Variants in PRKD1 observed in about 807,000 individuals in gnomAD.
PRKD1 encodes serine/threonine-protein kinase D1.
Under a neutral mutation model 95.9 loss-of-function variants are expected in PRKD1, and 63 were observed. The ratio of observed to expected loss-of-function variants is 0.66; its 90% CI spans 0.54 to 0.81. The LOEUF (loss-of-function observed/expected upper bound fraction) is 0.81, where lower values mean the gene tolerates loss of function less well. PRKD1 is among the 30% of genes least tolerant of loss of function. The pLI is 0.00. For synonymous variants in PRKD1, 425 were observed against 423.1 expected, an observed-to-expected ratio of 1.00 and a Z score of -0.05; for missense variants, 1,048 against 1,165.3, an observed-to-expected ratio of 0.90 and a Z score of 1.47.
intron 14 of PRKD1, among the ~76,000 whole-genome samples, chr14:29,599,453 A>G (rs1364152142): frequency 6.6e-6 from 1 of 152,228 alleles, no homozygotes; most frequent in Non-Finnish European, 1.5e-5. Flanking sequence ...ATGGACCTGC[A>G]AACATGTTAC....
chr14:29,632,976 T>C (rs1207585066), intron 8 of PRKD1, 30 bp from the exon 9 acceptor site: 1 of 1,541,988 alleles, frequency 6.5e-7, no homozygotes, highest in Non-Finnish European at 9.0e-7. Flanking sequence ...CAAGATCTTT[T>C]TAAAAAACTT....
At chr14:29,654,008 A>C (rs1338238325) in intron 4 of PRKD1, among the ~76,000 whole-genome samples, 1 of 152,130 alleles carries the variant, frequency 6.6e-6, no homozygotes, top group African/African-American at 2.4e-5. Context: ...TGGGAAGAGT[A>C]TAAGGAAATG....
chr14:29,910,452 C>T (rs1405347610), intron 1 of PRKD1, among the ~76,000 whole-genome samples: 2 of 152,088 alleles, frequency 1.3e-5, no homozygotes, highest in East Asian at 1.9e-4. Flanking sequence ...TTGAAGTCAG[C>T]GAGGCCAAGA....
intron 1 of PRKD1, among the ~76,000 whole-genome samples, chr14:29,825,658 T>C (rs1247493509): frequency 6.6e-6 from 1 of 152,140 alleles, no homozygotes; most frequent in Non-Finnish European, 1.5e-5. Flanking sequence ...GTCCTCTTAG[T>C]TAGAATTGAA....
At chr14:29,710,068 A>G (rs1196441741) in intron 2 of PRKD1, among the ~76,000 whole-genome samples, 1 of 152,204 alleles carries the variant, frequency 6.6e-6, no homozygotes, top group Non-Finnish European at 1.5e-5. Flanking sequence ...AACTATGGCA[A>G]GAAGCACTAG....
chr14:29,853,201 C>T (rs1370615539), intron 1 of PRKD1, among the ~76,000 whole-genome samples: 1 of 152,096 alleles, frequency 6.6e-6, no homozygotes, highest in Non-Finnish European at 1.5e-5. Flanking sequence ...CATAAATGTT[C>T]ATACACCTAA....
intron 2 of PRKD1, among the ~76,000 whole-genome samples, chr14:29,705,369 G>C (rs568820880): frequency 1.3e-5 from 2 of 151,666 alleles, no homozygotes; most frequent in Admixed American, 1.3e-4. Flanking sequence ...TGAAAGTAAA[G>C]GCAAAAACTG....
chr14:29,622,819 C>G (rs981524961), intron 13 of PRKD1, among the ~76,000 whole-genome samples: 5 of 152,184 alleles, frequency 3.3e-5, no homozygotes, highest in African/African-American at 1.2e-4. Flanking sequence ...AGTCAGTTTT[C>G]TGCAATTGCA....
rs764045919 is a variant in PRKD1, at chr14:29,597,485, T to C, written c.2434+6A>G. ...ATTATTATCATTTTTGAATGGAAGA[T>C]ATTACCTTCATGAGATATTTCCTTC... On this transcript the variant is annotated splice_donor_region_variant and intron_variant, in intron 16 of 17. Coordinates refer to ENST00000331968, the MANE Select transcript of PRKD1 (RefSeq NM_002742.3). The C allele has an allele frequency of 6.9e-6, 11 of 1,588,130 alleles. No homozygotes were observed. The highest frequency in any genetic ancestry group is 1.7e-5 in the Admixed American group (1 of 59,022).
At chr14:29,781,692 C>T (rs1889052603) in intron 1 of PRKD1, among the ~76,000 whole-genome samples, 1 of 152,204 alleles carries the variant, frequency 6.6e-6, no homozygotes, top group African/African-American at 2.4e-5. Context: ...AAATGTCTAC[C>T]ACCAAGTTAA....
chr14:29,629,940 C>T (rs1158036812), intron 10 of PRKD1, among the ~76,000 whole-genome samples: 7 of 151,594 alleles, frequency 4.6e-5, no homozygotes, highest in African/African-American at 1.7e-4. Context: ...ATTTCTTCTT[C>T]TTCCTTCTTC....
intron 2 of PRKD1, among the ~76,000 whole-genome samples, chr14:29,684,263 AC>A (rs1321985505): frequency 6.7e-6 from 1 of 150,184 alleles, no homozygotes; most frequent in Non-Finnish European, 1.5e-5. Flanking sequence ...CGATTCTCCT[AC>A]CTCAGCCTCC....
In PRKD1 at chr14:29,854,112, A is replaced by G. The variant is rs995480817; in HGVS notation, c.264+73137T>C. On this transcript the variant is annotated intron_variant, in intron 1 of 17. Transcript: ENST00000331968. ...ATTGGAGTGGTGTGCTGCTGAACAGACTAATAAAGTAAATTGGAGTGGGGT... is the reference window on the plus strand; with the variant it reads ...ATTGGAGTGGTGTGCTGCTGAACAGGCTAATAAAGTAAATTGGAGTGGGGT... Among the ~76,000 whole-genome samples, 4 of 152,186 alleles carry G rather than the reference A, an allele frequency of 2.6e-5. No homozygotes were observed. In the South Asian group the frequency reaches 6.2e-4, roughly 24 times the overall value.
Position 29,663,712 on chromosome 14 carries a change from T to C in PRKD1, c.683A>G (p.Asp228Gly), listed in dbSNP as rs369863220. The change falls in exon 4 of 18, where the codon GAT becomes GGT. Residue 228 changes from aspartate (D) to glycine (G), a missense_variant. Around this residue, in one of 3 missense-constraint regions of PRKD1, gnomAD observed 739 missense variants for 861.9 expected, o/e 0.86. Transcript: ENST00000331968. ...SSAELSTSAPDEPLLQKSPSE... is the reference protein window; with the variant it reads ...SSAELSTSAPGEPLLQKSPSE... ...AGGAAGCCATACCAGAAGGGGCTCA[T>C]CAGGGGCACTTGTAGAGAGTTCAGC... The C allele has an allele frequency of 1.2e-6, 2 of 1,613,862 alleles. No individual in the cohort carries two copies. The highest frequency in any genetic ancestry group is 1.7e-6 in the Non-Finnish European group (2 of 1,179,886).
At chr14:29,599,857 TTTG>T (rs1566477271) in intron 13 of PRKD1, 40 bp from the exon 14 acceptor site, 1 of 1,561,014 alleles carries the variant, frequency 6.4e-7, no homozygotes, top group Admixed American at 1.8e-5. Context: ...AAATGAGTTT[TTTG>T]ATACTGTTTG....
chr14:29,588,798 G>T (rs1249372230), intron 16 of PRKD1, among the ~76,000 whole-genome samples: 11 of 43,080 alleles, frequency 2.6e-4, no homozygotes, highest in African/African-American at 8.0e-4. Flanking sequence ...AGTTGTGTGT[G>T]TGTGTGTGTG....
intron 2 of PRKD1, among the ~76,000 whole-genome samples, chr14:29,692,133 T>A (rs191005386): frequency 1.8e-4 from 28 of 152,296 alleles, no homozygotes; most frequent in African/African-American, 5.8e-4. Context: ...ATTTATGAGT[T>A]ACCCCCCTTA....
At chr14:29,860,588 G>T (rs1432641980) in intron 1 of PRKD1, among the ~76,000 whole-genome samples, 1 of 152,090 alleles carries the variant, frequency 6.6e-6, no homozygotes, top group Non-Finnish European at 1.5e-5. Context: ...GATACAGGAA[G>T]ATACTTGTTT....
intron 1 of PRKD1, among the ~76,000 whole-genome samples, chr14:29,885,124 T>TAAAAAA (rs1220944588): frequency 2.3e-5 from 3 of 131,068 alleles, no homozygotes; most frequent in African/African-American, 8.5e-5. Flanking sequence ...CTCCATCTTT[T>TAAAAAA]AAAAAAAAAA....
Sources: allele counts gnomAD v4.1 joint callset (sites outside exome capture counted in the v4.1 genomes callset), GRCh38; gene constraint gnomAD v4.1.1; regional missense constraint gnomAD v4.1.1; transcripts MANE v1.5; gene names NCBI Gene and HGNC (gene_info 2026-07-23, HGNC 2026-07-21).